The following EXOC6B variants were observed in gnomAD, a reference collection of about 807,000 sequenced individuals.
EXOC6B encodes the protein SEC15 homolog B.
In EXOC6B, 54 loss-of-function variants were observed where a neutral mutation model predicts 113.5. The ratio of observed to expected loss-of-function variants is 0.48; its 90% CI spans 0.38 to 0.60. The LOEUF (loss-of-function observed/expected upper bound fraction) is 0.60. Ranked by LOEUF, EXOC6B falls within the 20% of genes least tolerant of loss-of-function variation. The pLI, the probability that EXOC6B is intolerant of heterozygous loss-of-function variation, is 0.00. For synonymous variants in EXOC6B, 357 were observed against 339.0 expected (o/e 1.05, Z -0.58); for missense variants, 797 against 977.5 (o/e 0.82, Z 2.46).
intron 18 of EXOC6B, among the ~76,000 whole-genome samples, chr2:72,460,970 A>C (rs1334221881): frequency 6.6e-6 from 1 of 151,776 alleles, no homozygotes; most frequent in African/African-American, 2.4e-5. Context: ...AATGTCCAAC[A>C]ATGATAGACT....
At chr2:72,742,684 T>C (rs1272678315) in intron 1 of EXOC6B, among the ~76,000 whole-genome samples, 2 of 152,222 alleles carry the variant, frequency 1.3e-5, no homozygotes, top group Non-Finnish European at 2.9e-5. Flanking sequence ...CTCTCACTGA[T>C]GTGCCTTCTC....
At chr2:72,298,422 G>T (rs1035805415) in intron 20 of EXOC6B, among the ~76,000 whole-genome samples, 1 of 152,028 alleles carries the variant, frequency 6.6e-6, no homozygotes, top group Non-Finnish European at 1.5e-5. Context: ...ACACTGATGG[G>T]TCTTGACTCT....
At chr2:72,329,401 G>C (rs765147391) in intron 20 of EXOC6B, among the ~76,000 whole-genome samples, 4 of 152,052 alleles carry the variant, frequency 2.6e-5, no homozygotes, top group Non-Finnish European at 4.4e-5. Context: ...AAGCCTCCTA[G>C]TTAGGGGACA....
intron 19 of EXOC6B, among the ~76,000 whole-genome samples, chr2:72,351,381 A>C (rs1689646319): frequency 1.3e-5 from 2 of 152,206 alleles, no homozygotes; most frequent in South Asian, 4.1e-4. Flanking sequence ...TTCTCAGAGG[A>C]AGTGAAATAA....
chr2:72,476,455 T>C (rs1023578629), intron 17 of EXOC6B, among the ~76,000 whole-genome samples: 2 of 152,204 alleles, frequency 1.3e-5, no homozygotes, highest in African/African-American at 4.8e-5. Context: ...GTCGGTCATC[T>C]TGAAGCTATC....
At chr2:72,799,924 A>C (rs1685189042) in intron 1 of EXOC6B, among the ~76,000 whole-genome samples, 1 of 151,734 alleles carries the variant, frequency 6.6e-6, no homozygotes, top group African/African-American at 2.4e-5. Context: ...AATTAGCTGG[A>C]CATGGTGGCA....
intron 18 of EXOC6B, among the ~76,000 whole-genome samples, chr2:72,393,145 A>T (rs978553120): frequency 2.7e-5 from 4 of 150,600 alleles, no homozygotes; most frequent in Non-Finnish European, 5.9e-5. Context: ...ACCAGGCTGG[A>T]GTGCAGTGGC....
chr2:72,794,766 C>T (rs1390849390), intron 1 of EXOC6B, among the ~76,000 whole-genome samples: 3 of 151,998 alleles, frequency 2.0e-5, no homozygotes, highest in Non-Finnish European at 4.4e-5. Context: ...AACAGAAATA[C>T]ATAAAATAGG....
At position 72,405,567 on chromosome 2, in the gene EXOC6B, A is replaced by C. The variant is rs556906035; in HGVS notation, c.1981-25697T>G. 5.9e-5 allele frequency among the ~76,000 whole-genome samples: 9 copies of C among 152,320 alleles called. No homozygotes were observed. The East Asian group carries it at 1.7e-3, about 29-fold the overall frequency. On this transcript the variant is annotated intron_variant, in intron 18 of 21. Transcript: ENST00000272427. ...AATATTCAACATTCTTACAGAAAAG[A>C]ATTTTCAACCAAGAATTTCATATCC...
chr2:72,365,676 G>A (rs546485975), intron 19 of EXOC6B, among the ~76,000 whole-genome samples: 7 of 152,206 alleles, frequency 4.6e-5, no homozygotes, highest in East Asian at 1.9e-4. Context: ...AGGTCCTTTC[G>A]GTATTTGGTG....
At chr2:72,360,997 G>A (rs115289731) in intron 19 of EXOC6B, among the ~76,000 whole-genome samples, 2 of 150,294 alleles carry the variant, frequency 1.3e-5, no homozygotes, top group Middle Eastern at 3.5e-3. Context: ...ACTTTCCATT[G>A]CAACCCCATT....
chr2:72,446,778 G>T (rs977541960), intron 18 of EXOC6B, among the ~76,000 whole-genome samples: 1 of 151,998 alleles, frequency 6.6e-6, no homozygotes, highest in East Asian at 1.9e-4. Context: ...TAAAATAAAC[G>T]TTTTTTAAAA....
intron 20 of EXOC6B, among the ~76,000 whole-genome samples, chr2:72,279,268 CTA>C (rs1684983327): frequency 6.6e-6 from 1 of 152,182 alleles, no homozygotes; most frequent in African/African-American, 2.4e-5. Context: ...GGTCACAGTA[CTA>C]TATTCCAGTG....
rs903028814 is a variant in EXOC6B at position 72,825,329 on chromosome 2, G to C, written c.113+469C>G. Among the ~76,000 whole-genome samples the C allele has an allele frequency of 1.3e-5, 2 of 152,164 alleles. No individual in the cohort carries two copies. The highest frequency in any genetic ancestry group is 1.3e-4 in the Admixed American group (2 of 15,282). On this transcript the variant is annotated intron_variant, in intron 1 of 21. Transcript: ENST00000272427. This position sits in a 1 kb window ranked among gnomAD's most constrained non-coding sequence, Gnocchi z 4.4. Reference sequence around the variant, plus strand: ...CCAGGCCTAGGATTTCCAGGGACTCGTTTCTGAGAAGTGGCTGTGATTCTG... The same window carrying C: ...CCAGGCCTAGGATTTCCAGGGACTCCTTTCTGAGAAGTGGCTGTGATTCTG...
At chr2:72,719,843 G>A (rs967197884) in intron 5 of EXOC6B, among the ~76,000 whole-genome samples, 19 of 152,094 alleles carry the variant, frequency 1.2e-4, no homozygotes, top group African/African-American at 3.6e-4. Flanking sequence ...AAGAAACAAA[G>A]AACATGGGAA....
At chr2:72,592,823 G>GT (rs1706058846) in intron 6 of EXOC6B, among the ~76,000 whole-genome samples, 1 of 152,146 alleles carries the variant, frequency 6.6e-6, no homozygotes. Flanking sequence ...ATTTCTGAGT[G>GT]TAAGAGGAGT....
intron 20 of EXOC6B, among the ~76,000 whole-genome samples, chr2:72,233,096 A>G (rs1402521008): frequency 1.3e-5 from 2 of 151,974 alleles, no homozygotes; most frequent in Non-Finnish European, 2.9e-5. Context: ...AAAAGAAAAA[A>G]GAAAGAAACC....
intron 6 of EXOC6B, among the ~76,000 whole-genome samples, chr2:72,641,633 A>G (rs1381386825): frequency 4.6e-5 from 7 of 152,256 alleles, no homozygotes; most frequent in African/African-American, 1.4e-4. Flanking sequence ...CTCTGGGAGC[A>G]GGGCATAGCT....
intron 18 of EXOC6B, among the ~76,000 whole-genome samples, chr2:72,391,797 C>T (rs183369020): frequency 6.6e-6 from 1 of 152,230 alleles, no homozygotes; most frequent in East Asian, 1.9e-4. Context: ...ATCCCAACTA[C>T]TTGGAAAGCT....
Sources: gnomAD v4.1 joint callset for allele counts (sites outside exome capture counted in the v4.1 genomes callset) on GRCh38, gnomAD v4.1.1 for gene constraint, Gnocchi (gnomAD v3.1) non-coding constraint, MANE v1.5 for transcripts, NCBI Gene and HGNC (gene_info 2026-07-23, HGNC 2026-07-21) for gene names.